Variants in GPHN observed in about 807,000 individuals in gnomAD.
GPHN encodes gephyrin.
Under a neutral mutation model 95.5 loss-of-function variants are expected in GPHN, and 17 were observed. The observed-to-expected ratio is 0.18, with a 90% confidence interval of 0.12 to 0.27. The LOEUF is 0.27. Among genes scored for constraint, GPHN ranks in the 10% least tolerant of loss-of-function variants. The pLI, the probability that GPHN is intolerant of heterozygous loss-of-function variation, is 1.00. For synonymous variants in GPHN, 320 were observed against 322.5 expected, an observed-to-expected ratio of 0.99 and a Z score of 0.08; for missense variants, 660 against 978.1, an observed-to-expected ratio of 0.67 and a Z score of 4.34.
chr14:66,589,764 C>G (rs557170829), intron 1 of GPHN, among the ~76,000 whole-genome samples: 1 of 152,236 alleles, frequency 6.6e-6, no homozygotes, highest in East Asian at 1.9e-4. Flanking sequence ...CAATATTAGA[C>G]AGCTCAATGA....
chr14:67,330,007 A>AT, the GPHN span, among the ~76,000 whole-genome samples: 5 of 151,124 alleles, frequency 3.3e-5, no homozygotes, highest in East Asian at 1.9e-4. Context: ...TAAAGATGTG[A>AT]TTTTTTTCTT....
chr14:67,181,422 C>T lies in GPHN; in HGVS notation c.*485C>T. On this transcript the variant is annotated 3_prime_UTR_variant, in exon 23 of 23. Transcript: ENST00000478722. ...GTATCTCGTGTTTATGTGCACAGTG[C>T]CAAAAGAAGACTGACTGGGTGGAGG... The T allele has an allele frequency of 2.0e-6, 1 of 506,860 alleles. No homozygotes were observed. The highest frequency in any genetic ancestry group is 3.8e-6 in the Non-Finnish European group (1 of 263,366). The allele number at this position is 506,860 out of a possible 1,614,324, so 31.4% of individuals were successfully genotyped here. A position where few individuals can be genotyped will look rare whatever the true frequency, so the allele number is the denominator to read the frequency against.
chr14:67,179,155 T>G (rs2083185962), intron 21 of GPHN, among the ~76,000 whole-genome samples: 1 of 152,030 alleles, frequency 6.6e-6, no homozygotes, highest in South Asian at 2.1e-4. Context: ...GAGGCCCAGG[T>G]GGCAGGATCG....
At chr14:66,724,838 T>C (rs932374949) in intron 2 of GPHN, among the ~76,000 whole-genome samples, 2 of 152,226 alleles carry the variant, frequency 1.3e-5, no homozygotes, top group African/African-American at 2.4e-5. Flanking sequence ...CCCTATCATA[T>C]TAAAAATTGT....
At chr14:67,571,165 A>C in the GPHN span, 1 of 154,154 alleles carries the variant, frequency 6.5e-6, no homozygotes, top group East Asian at 1.9e-4. Flanking sequence ...ATCACTGTGC[A>C]CATATATCTT....
chr14:66,674,911 G>A (rs2153387569), intron 1 of GPHN, among the ~76,000 whole-genome samples: 1 of 152,144 alleles, frequency 6.6e-6, no homozygotes, highest in Non-Finnish European at 1.5e-5. Flanking sequence ...TTTCATAATG[G>A]CCGTACTAAT....
chr14:67,553,275 A>G, the GPHN span, among the ~76,000 whole-genome samples: 30 of 152,166 alleles, frequency 2.0e-4, no homozygotes, highest in Non-Finnish European at 2.9e-5. Flanking sequence ...AACCTAGGAA[A>G]CTTATTGAGG....
the GPHN span, among the ~76,000 whole-genome samples, chr14:67,287,529 C>A: frequency 6.6e-6 from 1 of 151,920 alleles, no homozygotes; most frequent in Non-Finnish European, 1.5e-5. Flanking sequence ...ATACCAGATC[C>A]CAAAAATTAA....
chr14:67,297,920 C>T, the GPHN span, among the ~76,000 whole-genome samples: 17 of 152,270 alleles, frequency 1.1e-4, 1 homozygote, highest in East Asian at 2.7e-3. Context: ...AATGTTCAGT[C>T]TTATGAGTAC....
chr14:66,707,754 G>T (rs895372068), intron 2 of GPHN, among the ~76,000 whole-genome samples: 2 of 149,938 alleles, frequency 1.3e-5, no homozygotes, highest in African/African-American at 5.0e-5. Flanking sequence ...TAACAAATGT[G>T]CACGTTCTGT....
At chr14:67,209,094 C>T in the GPHN span, among the ~76,000 whole-genome samples, 36 of 152,060 alleles carry the variant, frequency 2.4e-4, no homozygotes, top group African/African-American at 7.5e-4. Flanking sequence ...ATTTATTGTC[C>T]GCTGATACAA....
intron 8 of GPHN, among the ~76,000 whole-genome samples, chr14:66,942,099 C>T (rs926255230): frequency 6.6e-6 from 1 of 152,188 alleles, no homozygotes; most frequent in African/African-American, 2.4e-5. Context: ...GCAACCTCCA[C>T]CTCCCAAGTT....
intron 4 of GPHN, among the ~76,000 whole-genome samples, chr14:66,828,398 T>G (rs976446616): frequency 6.6e-6 from 1 of 152,070 alleles, no homozygotes; most frequent in Non-Finnish European, 1.5e-5. Flanking sequence ...TATATACTGA[T>G]TTGTCTGTTT....
chr14:66,517,557 G>C (rs1256404597), intron 1 of GPHN, among the ~76,000 whole-genome samples: 2 of 152,216 alleles, frequency 1.3e-5, no homozygotes, highest in African/African-American at 4.8e-5. Flanking sequence ...CAGAGTGATA[G>C]TAACCAAAAC....
chr14:67,648,547 T>C, the GPHN span: 527 of 162,218 alleles, frequency 3.2e-3, 2 homozygotes, highest in South Asian at 6.0e-3. Flanking sequence ...CTCTAAGAGA[T>C]TGGTTCATTG....
the GPHN span, among the ~76,000 whole-genome samples, chr14:67,636,440 G>C: frequency 6.6e-6 from 1 of 152,248 alleles, no homozygotes; most frequent in South Asian, 2.1e-4. Context: ...GAATGAGCAC[G>C]TATCTGTAGA....
At chr14:66,937,870 C>T (rs1489762289) in intron 8 of GPHN, among the ~76,000 whole-genome samples, 1 of 152,180 alleles carries the variant, frequency 6.6e-6, no homozygotes, top group African/African-American at 2.4e-5. Flanking sequence ...GATTAGTAAA[C>T]TATGCCCAAG....
intron 2 of GPHN, among the ~76,000 whole-genome samples, chr14:66,746,214 C>G (rs2153444395): frequency 6.6e-6 from 1 of 152,222 alleles, no homozygotes; most frequent in African/African-American, 2.4e-5. Context: ...ATTGCTGGCT[C>G]ATATGATAAA....
At chr14:66,519,569 G>A (rs1203302613) in intron 1 of GPHN, among the ~76,000 whole-genome samples, 2 of 152,036 alleles carry the variant, frequency 1.3e-5, no homozygotes, top group Non-Finnish European at 2.9e-5. Context: ...CATAATAGTT[G>A]TTTAGAGTTA....
Sources: gnomAD v4.1 joint callset for allele counts (sites outside exome capture counted in the v4.1 genomes callset) on GRCh38, gnomAD v4.1.1 for gene constraint, MANE v1.5 for transcripts, NCBI Gene and HGNC (gene_info 2026-07-23, HGNC 2026-07-21) for gene names.